The following NEDD4 variants were observed in gnomAD, a reference collection of about 807,000 sequenced individuals.
NEDD4 encodes the protein NEDD4 E3 ubiquitin protein ligase.
Under a neutral mutation model 144.9 loss-of-function variants are expected in NEDD4, and 99 were observed. The ratio of observed to expected loss-of-function variants is 0.68; its 90% CI spans 0.58 to 0.81. The LOEUF (loss-of-function observed/expected upper bound fraction) is 0.81, where lower values mean the gene tolerates loss of function less well. Ranked by LOEUF, NEDD4 falls within the 30% of genes least tolerant of loss-of-function variation. NEDD4 has a pLI of 0.00. For synonymous variants in NEDD4, 318 were observed against 350.6 expected (o/e 0.91, Z 1.04); for missense variants, 985 against 1,065.9 (o/e 0.92, Z 1.06).
At chr15:55,832,861 GTCCCTAATGGTA>G (rs1196947505) in intron 27 of NEDD4, 135 bp downstream of exon 27, 1 of 558,956 alleles carries the variant, frequency 1.8e-6, no homozygotes, top group Non-Finnish European at 3.2e-6. Flanking sequence ...CTACTCCAGT[GTCCCTAATGGTA>G]TCACTTTCAA....
chr15:55,868,376 T>C (rs1486956840), intron 8 of NEDD4, among the ~76,000 whole-genome samples: 5 of 152,232 alleles, frequency 3.3e-5, no homozygotes, highest in Non-Finnish European at 5.9e-5. Context: ...CTGCTGTTAA[T>C]ATGGTTTGGC....
At chr15:55,864,452 C>A (rs769720658) in intron 8 of NEDD4, among the ~76,000 whole-genome samples, 2 of 151,560 alleles carry the variant, frequency 1.3e-5, no homozygotes, top group Non-Finnish European at 2.9e-5. Flanking sequence ...GAGGCCGAGG[C>A]GGGCAGATCA....
intron 1 of NEDD4, among the ~76,000 whole-genome samples, chr15:55,973,259 C>A (rs1446495924): frequency 6.6e-6 from 1 of 152,206 alleles, no homozygotes; most frequent in Non-Finnish European, 1.5e-5. Flanking sequence ...AAAAATTCAG[C>A]TAGGCACAAT....
chr15:55,866,848 G>A (rs1595769635), intron 8 of NEDD4, among the ~76,000 whole-genome samples: 1 of 152,102 alleles, frequency 6.6e-6, no homozygotes, highest in Non-Finnish European at 1.5e-5. Context: ...TCAATTTTTT[G>A]GATAGAAGGC....
chr15:55,977,091 G>C (rs2037715687), intron 1 of NEDD4, among the ~76,000 whole-genome samples: 1 of 152,128 alleles, frequency 6.6e-6, no homozygotes, highest in Admixed American at 6.5e-5. Context: ...GCATATCATA[G>C]ATTATTTATT....
intron 4 of NEDD4, among the ~76,000 whole-genome samples, chr15:55,933,480 GAGA>G (rs1248767324): frequency 7.1e-6 from 1 of 141,744 alleles, no homozygotes. Flanking sequence ...ATTGAATAAT[GAGA>G]ACACTTGGAC....
chr15:55,885,286 A>T (rs1318976141), intron 5 of NEDD4, among the ~76,000 whole-genome samples: 2 of 152,228 alleles, frequency 1.3e-5, no homozygotes, highest in Non-Finnish European at 2.9e-5. Context: ...GACCTGTCCT[A>T]CAAGAAATGC....
chr15:55,947,568 C>A (rs1030333668), intron 4 of NEDD4, among the ~76,000 whole-genome samples: 1 of 152,148 alleles, frequency 6.6e-6, no homozygotes, highest in Non-Finnish European at 1.5e-5. Context: ...GTATTCACAG[C>A]TGAATTCTAC....
chr15:55,993,064 G>A (rs923850641), intron 1 of NEDD4, among the ~76,000 whole-genome samples: 2 of 152,194 alleles, frequency 1.3e-5, no homozygotes, highest in African/African-American at 2.4e-5. Context: ...TCTCCAGACC[G>A]AAGTCCGTAA....
chr15:55,867,374 A>C lies in NEDD4; in HGVS notation c.507+2205T>G, dbSNP rs549754833. On this transcript the variant is annotated intron_variant, in intron 8 of 28. Coordinates refer to ENST00000435532, the MANE Select transcript of NEDD4 (RefSeq NM_006154.4). ...GCATTCTGAGGGAATTCAAACACTG[A>C]GACATGAGACCGCAAAATGAAGTGA... 9.8e-5 allele frequency among the ~76,000 whole-genome samples: 15 copies of C among 152,326 alleles called. No individual in the cohort carries two copies. In the South Asian group the frequency reaches 3.1e-3, roughly 32 times the overall value.
chr15:55,894,562 T>C (rs751326578), intron 5 of NEDD4, among the ~76,000 whole-genome samples: 3 of 152,138 alleles, frequency 2.0e-5, no homozygotes, highest in Non-Finnish European at 4.4e-5. Context: ...GGCTTTTACC[T>C]CACAGATTGG....
chr15:55,848,906 A>G lies in NEDD4; in HGVS notation c.1348-20T>C. The G allele has an allele frequency of 6.3e-7, 1 of 1,580,154 alleles. No homozygotes were observed. The highest frequency in any genetic ancestry group is 8.7e-7 in the Non-Finnish European group (1 of 1,149,360). The stretch of plus-strand genomic sequence containing the variant: ...ATCTTCCTTTTTTGGTAGAGTAAAT[A>G]AAGAACAATACACACAAATTTTAAA... On this transcript the variant is annotated intron_variant, in intron 14 of 28. Transcript: ENST00000435532.
At chr15:55,954,439 T>G (rs1473677308) in intron 2 of NEDD4, among the ~76,000 whole-genome samples, 2 of 152,214 alleles carry the variant, frequency 1.3e-5, no homozygotes, top group Non-Finnish European at 2.9e-5. Context: ...ATACAAAATG[T>G]AAATGTAATT....
chr15:55,833,920 T>C, intron 26 of NEDD4, 118 bp downstream of exon 26: 1 of 730,470 alleles, frequency 1.4e-6, no homozygotes, highest in East Asian at 2.6e-5. Context: ...TTTTTTCTGG[T>C]CTGTATATTT....
At chr15:55,845,753 T>C (rs1164954816) in intron 18 of NEDD4, among the ~76,000 whole-genome samples, 9 of 151,880 alleles carry the variant, frequency 5.9e-5, no homozygotes, top group African/African-American at 2.2e-4. Flanking sequence ...AGAAAACAAA[T>C]TTCCAGGGAA....
At chr15:55,839,737 G>T (rs2033379044) in intron 21 of NEDD4, among the ~76,000 whole-genome samples, 1 of 151,656 alleles carries the variant, frequency 6.6e-6, no homozygotes, top group South Asian at 2.1e-4. Flanking sequence ...CAGCACTTTG[G>T]GACGCTGAGG....
chr15:55,913,535 G>C (rs1007394060), intron 5 of NEDD4, among the ~76,000 whole-genome samples: 1 of 151,856 alleles, frequency 6.6e-6, no homozygotes, highest in Non-Finnish European at 1.5e-5. Flanking sequence ...AACATTAAAC[G>C]GGGGGACAAT....
chr15:55,875,469 T>C (rs7167999), intron 5 of NEDD4, among the ~76,000 whole-genome samples: 139,647 of 151,984 alleles, frequency 0.92, 64,258 homozygotes, highest in East Asian at 0.96. Context: ...CACCATGCAC[T>C]ACCATGCCTG....
intron 5 of NEDD4, among the ~76,000 whole-genome samples, chr15:55,904,205 G>A (rs2142165790): frequency 6.6e-6 from 1 of 152,206 alleles, no homozygotes; most frequent in Admixed American, 6.5e-5. Context: ...AATCATAGTT[G>A]AGGCTTCAAG....
Sources: allele counts gnomAD v4.1 joint callset (sites outside exome capture counted in the v4.1 genomes callset), GRCh38; gene constraint gnomAD v4.1.1; transcripts MANE v1.5; gene names NCBI Gene and HGNC (gene_info 2026-07-23, HGNC 2026-07-21).